Variants in CSRNP3 observed in about 807,000 individuals in gnomAD.
The protein encoded by CSRNP3 is cysteine and serine rich nuclear protein 3.
Under a neutral mutation model 48.0 loss-of-function variants are expected in CSRNP3, and 12 were observed. That is an observed-to-expected ratio of 0.25 (90% CI 0.16 to 0.41). CSRNP3 has a LOEUF of 0.41. Among genes scored for constraint, CSRNP3 ranks in the 10% least tolerant of loss-of-function variants. The pLI is 1.00. For synonymous variants in CSRNP3, 263 were observed against 269.7 expected, an observed-to-expected ratio of 0.98 and a Z score of 0.24; for missense variants, 580 against 724.4, an observed-to-expected ratio of 0.80 and a Z score of 2.29.
chr2:165,652,389 C>T (rs1034698788), intron 4 of CSRNP3, among the ~76,000 whole-genome samples: 4 of 151,376 alleles, frequency 2.6e-5, no homozygotes, highest in Non-Finnish European at 1.5e-5. Flanking sequence ...GTCCCAGCTA[C>T]TCGGGAGGCT....
At chr2:165,592,805 T>TTC (rs1685741154) in intron 3 of CSRNP3, among the ~76,000 whole-genome samples, 1 of 143,676 alleles carries the variant, frequency 7.0e-6, no homozygotes, top group African/African-American at 2.6e-5. Context: ...TCTTTTCATT[T>TTC]TTTTTTTTTT....
intron 3 of CSRNP3, among the ~76,000 whole-genome samples, chr2:165,542,965 C>T (rs149572201): frequency 1.7e-4 from 26 of 152,236 alleles, no homozygotes; most frequent in Non-Finnish European, 3.1e-4. Flanking sequence ...GCGTAAGTAG[C>T]AGTAGACTCT....
chr2:165,519,619 A>G (rs1684625723), intron 3 of CSRNP3, among the ~76,000 whole-genome samples: 1 of 152,294 alleles, frequency 6.6e-6, no homozygotes, highest in South Asian at 2.1e-4. Context: ...GAAGCAGCTA[A>G]ATTAATTTAT....
At chr2:165,610,057 T>A (rs1394743155) in intron 4 of CSRNP3, among the ~76,000 whole-genome samples, 1 of 152,228 alleles carries the variant, frequency 6.6e-6, no homozygotes, top group East Asian at 1.9e-4. Flanking sequence ...TGGGAGGGAC[T>A]GCACTGACAT....
intron 4 of CSRNP3, among the ~76,000 whole-genome samples, chr2:165,637,319 T>A (rs1686644555): frequency 6.6e-6 from 1 of 152,186 alleles, no homozygotes; most frequent in Non-Finnish European, 1.5e-5. Context: ...TTTGTCTGGG[T>A]CTTTATATAG....
intron 4 of CSRNP3, among the ~76,000 whole-genome samples, chr2:165,634,002 T>A (rs1455681306): frequency 2.6e-5 from 4 of 152,230 alleles, no homozygotes; most frequent in African/African-American, 9.6e-5. Context: ...ATTAAACCAA[T>A]TCATTTATTC....
intron 4 of CSRNP3, among the ~76,000 whole-genome samples, chr2:165,598,622 C>T (rs773137231): frequency 2.6e-5 from 4 of 151,858 alleles, no homozygotes; most frequent in Admixed American, 6.6e-5. Flanking sequence ...TATGTTCAGC[C>T]GAGATTATTT....
At chr2:165,577,907 A>G (rs1186377012) in intron 3 of CSRNP3, among the ~76,000 whole-genome samples, 3 of 151,994 alleles carry the variant, frequency 2.0e-5, no homozygotes, top group Non-Finnish European at 4.4e-5. Context: ...ATACATACAT[A>G]TAGTATAGGA....
chr2:165,572,591 G>A (rs1022220476), intron 3 of CSRNP3: 1 of 152,138 alleles, frequency 6.6e-6, no homozygotes, highest in African/African-American at 2.4e-5. Context: ...TGAACAGGTT[G>A]GTGATTTTAT....
chr2:165,548,613 A>T (rs190641548), intron 3 of CSRNP3, among the ~76,000 whole-genome samples: 109 of 152,180 alleles, frequency 7.2e-4, no homozygotes, highest in Non-Finnish European at 1.2e-4. Context: ...TATAACATAA[A>T]CACTTCACTA....
At chr2:165,659,210 A>G (rs10180814) in intron 5 of CSRNP3, among the ~76,000 whole-genome samples, 40,731 of 151,578 alleles carry the variant, frequency 0.27, 5,920 homozygotes, top group Non-Finnish European at 0.33. Flanking sequence ...CCAGTTAGAA[A>G]GCTGTTACCA....
chr2:165,505,633 A>G (rs1684415166), intron 2 of CSRNP3, among the ~76,000 whole-genome samples: 1 of 152,196 alleles, frequency 6.6e-6, no homozygotes, highest in African/African-American at 2.4e-5. Context: ...ATCAAGGAAT[A>G]CAACTGGCTT....
At chr2:165,561,986 A>T (rs1685240754) in intron 3 of CSRNP3, among the ~76,000 whole-genome samples, 2 of 152,152 alleles carry the variant, frequency 1.3e-5, no homozygotes, top group African/African-American at 4.8e-5. Flanking sequence ...TGAACATTTT[A>T]TTCTAACTTC....
chr2:165,471,189 T>G (rs956830383), intron 1 of CSRNP3, among the ~76,000 whole-genome samples: 1 of 152,044 alleles, frequency 6.6e-6, no homozygotes, highest in African/African-American at 2.4e-5. Context: ...GTTTATATGG[T>G]TAAGTGTCAT....
At chr2:165,576,007 G>T (rs1315113685) in intron 3 of CSRNP3, among the ~76,000 whole-genome samples, 1 of 151,292 alleles carries the variant, frequency 6.6e-6, no homozygotes, top group Non-Finnish European at 1.5e-5. Flanking sequence ...AGAATATGCT[G>T]TCCTCTGGTC....
chr2:165,678,966 A>G lies in CSRNP3; in HGVS notation c.971A>G (p.Gln324Arg). Residue 324 changes from glutamine (Q) to arginine (R), a missense_variant, in exon 7 of 7, where the codon CAG (glutamine) becomes CGG (arginine). Coordinates refer to ENST00000651982, the MANE Select transcript of CSRNP3 (RefSeq NM_001172173.2). ...ADSFEIETEP[Q>R]AAVLHLQSAE... ...AGTTTTGAGATTGAAACTGAGCCCC[A>G]GGCTGCAGTGCTGCACCTGCAGTCG... is the stretch of plus-strand genomic sequence containing the variant. 1 of 1,614,076 alleles carries G rather than the reference A, an allele frequency of 6.2e-7. No individual in the cohort carries two copies. Among genetic ancestry groups the G allele is most frequent in the Non-Finnish European group, 8.5e-7 (1 of 1,179,998 alleles).
chr2:165,601,799 A>G (rs1455572036), intron 4 of CSRNP3, among the ~76,000 whole-genome samples: 1 of 152,162 alleles, frequency 6.6e-6, no homozygotes, highest in Non-Finnish European at 1.5e-5. Context: ...CACATTTCAT[A>G]ATGGGATTAG....
At chr2:165,675,058 C>T (rs1687401294) in intron 5 of CSRNP3, among the ~76,000 whole-genome samples, 1 of 152,012 alleles carries the variant, frequency 6.6e-6, no homozygotes, top group South Asian at 2.1e-4. Flanking sequence ...GTTATTTCCT[C>T]TATGAAAGTT....
intron 3 of CSRNP3, among the ~76,000 whole-genome samples, chr2:165,586,365 A>G (rs535260000): frequency 1.3e-5 from 2 of 152,290 alleles, no homozygotes; most frequent in East Asian, 3.9e-4. Flanking sequence ...GTTTTGGTTA[A>G]TTGCACAGTC....
Sources: gnomAD v4.1 joint callset for allele counts (sites outside exome capture counted in the v4.1 genomes callset) on GRCh38, gnomAD v4.1.1 for gene constraint, MANE v1.5 for transcripts, NCBI Gene and HGNC (gene_info 2026-07-23, HGNC 2026-07-21) for gene names.